SND1: variants seen among roughly 807,000 people sequenced by gnomAD.
SND1 encodes the protein staphylococcal nuclease and tudor domain containing 1, also known as staphylococcal nuclease domain-containing protein 1.
SND1 carries 38 observed loss-of-function variants against 121.7 expected under a neutral mutation model. The ratio of observed to expected loss-of-function variants is 0.31; its 90% confidence interval spans 0.24 to 0.41. The LOEUF is 0.41. SND1 is among the 10% of genes least tolerant of loss of function. The pLI is 1.00. For synonymous variants in SND1, 401 were observed against 447.4 expected (o/e 0.90, Z 1.31); for missense variants, 868 against 1,184.6 (o/e 0.73, Z 3.92).
intron 12 of SND1, among the ~76,000 whole-genome samples, chr7:127,873,437 A>C (rs777001031): frequency 2.6e-5 from 4 of 152,094 alleles, no homozygotes; most frequent in Admixed American, 6.6e-5. Context: ...TAGACACTGC[A>C]GCTGGAATGG....
chr7:127,661,973 G>A (rs906462031), intron 1 of SND1, among the ~76,000 whole-genome samples: 4 of 141,980 alleles, frequency 2.8e-5, no homozygotes, highest in South Asian at 2.3e-4. Flanking sequence ...AAAATTAGCC[G>A]GGCATGGTGG....
At chr7:127,676,782 C>A (rs939084981) in intron 1 of SND1, among the ~76,000 whole-genome samples, 9 of 152,200 alleles carry the variant, frequency 5.9e-5, no homozygotes. Context: ...ACTCTTGTTG[C>A]CCAGCCTGAA....
Position 127,980,822 on chromosome 7 carries a change from T to C in SND1, c.1670-10125T>C, listed in dbSNP as rs951304090. 6.6e-5 allele frequency among the ~76,000 whole-genome samples: 10 copies of C among 152,202 alleles called. No homozygotes were observed. The South Asian group carries it at 1.4e-3, about 22-fold the overall frequency. On this transcript the variant is annotated intron_variant, in intron 15 of 23. Coordinates refer to ENST00000354725, the MANE Select transcript of SND1 (RefSeq NM_014390.4). ...TGGAAGTGGAGACTTGCAAGATCCA[T>C]AGGGGTATTTCCTGTGGCTTTCTCT...
chr7:128,022,198 C>T (rs989804718), intron 16 of SND1, among the ~76,000 whole-genome samples: 1 of 111,012 alleles, frequency 9.0e-6, no homozygotes, highest in African/African-American at 4.0e-5. Flanking sequence ...GAGCAAGACT[C>T]TCTCTCAAAA....
rs1793785732 is a variant in SND1 at position 128,091,801 on chromosome 7, ACT to A, written c.2623-33_2623-32del. ...CCTGCTGGCTGATCATTTGAGGGCA[ACT>A]CTGACCACTCCCTTTCTTCTCTCGT... On this transcript the variant is annotated intron_variant, in intron 22 of 23. Transcript: ENST00000354725. The A allele has an allele frequency of 1.9e-6, 3 of 1,612,234 alleles. No individual in the cohort carries two copies. In the African/African-American group the frequency reaches 4.0e-5, roughly 22 times the overall value.
At chr7:127,737,084 A>G (rs1219627605) in intron 10 of SND1, among the ~76,000 whole-genome samples, 3 of 152,250 alleles carry the variant, frequency 2.0e-5, no homozygotes, top group Non-Finnish European at 4.4e-5. Context: ...ATGTAATTAA[A>G]ATATAAGAGC....
chr7:127,672,492 C>A (rs809333), intron 1 of SND1, among the ~76,000 whole-genome samples: 8,466 of 151,994 alleles, frequency 0.056, 688 homozygotes, highest in African/African-American at 0.18. Context: ...TGCCTGTAGT[C>A]CCAGCTACTA....
At chr7:127,694,670 G>A (rs1795977368) in intron 2 of SND1, 158 bp from the exon 3 acceptor site, 1 of 820,868 alleles carries the variant, frequency 1.2e-6, no homozygotes. Context: ...TGTGCGATCT[G>A]CATTGTGTGC....
intron 15 of SND1, among the ~76,000 whole-genome samples, chr7:127,980,886 T>C (rs1412728065): frequency 6.6e-6 from 1 of 151,972 alleles, no homozygotes; most frequent in African/African-American, 2.4e-5. Context: ...GGACAGTAGA[T>C]TCAAATTTTT....
At chr7:127,914,131 A>G (rs1263047287) in intron 14 of SND1, among the ~76,000 whole-genome samples, 1 of 152,154 alleles carries the variant, frequency 6.6e-6, no homozygotes, top group Admixed American at 6.5e-5. Context: ...AATGTAAGCT[A>G]TTACCCAGAT....
chr7:127,990,609 G>A (rs1164011674), intron 15 of SND1, among the ~76,000 whole-genome samples: 2 of 152,172 alleles, frequency 1.3e-5, no homozygotes, highest in African/African-American at 4.8e-5. Flanking sequence ...CTCAAGCTGC[G>A]AGACTATGGG....
intron 9 of SND1, among the ~76,000 whole-genome samples, chr7:127,717,060 A>G (rs1796403904): frequency 6.6e-6 from 1 of 152,214 alleles, no homozygotes; most frequent in East Asian, 1.9e-4. Flanking sequence ...AAATTAAATT[A>G]TTAGAGACTT....
intron 16 of SND1, among the ~76,000 whole-genome samples, chr7:128,049,929 G>C (rs548940016): frequency 2.0e-4 from 31 of 152,280 alleles, no homozygotes; most frequent in Admixed American, 2.6e-4. Flanking sequence ...GAATTGGGGA[G>C]GCTGGGGTAA....
chr7:127,674,187 G>A (rs768216297), intron 1 of SND1, among the ~76,000 whole-genome samples: 6 of 151,630 alleles, frequency 4.0e-5, no homozygotes, highest in Non-Finnish European at 8.8e-5. Context: ...TCTGCATTCC[G>A]TCCAAGAAAC....
rs764455627 is a variant in SND1, at chr7:127,702,585, A to G, written c.681+59A>G. The stretch of plus-strand genomic sequence containing the variant: ...AGAGTGTGTGGATGTTCAGTGATGG[A>G]TTCTTCTACTTGGGGACTTCGGATC... On this transcript the variant is annotated intron_variant, in intron 6 of 23. Transcript: ENST00000354725. 9 of 1,358,872 alleles carry G rather than the reference A, an allele frequency of 6.6e-6. No homozygotes were observed. In the African/African-American group the frequency reaches 8.6e-5, roughly 13 times the overall value. The allele number at this position is 1,358,872 out of a possible 1,614,324, so 84.2% of individuals were successfully genotyped here. A position where few individuals can be genotyped will look rare whatever the true frequency, so the allele number is the denominator to read the frequency against.
At chr7:128,051,129 C>T (rs1248551515) in intron 16 of SND1, among the ~76,000 whole-genome samples, 3 of 152,208 alleles carry the variant, frequency 2.0e-5, no homozygotes, top group Non-Finnish European at 4.4e-5. Context: ...CCCACAGCTT[C>T]CCAGTGCAGG....
chr7:127,802,061 G>A (rs567804325), intron 10 of SND1, among the ~76,000 whole-genome samples: 1 of 152,150 alleles, frequency 6.6e-6, no homozygotes, highest in Non-Finnish European at 1.5e-5. Context: ...TAGCCAGGAT[G>A]GTCTTGATCT....
At chr7:127,722,745 A>G (rs575610980) in intron 10 of SND1, among the ~76,000 whole-genome samples, 1 of 152,194 alleles carries the variant, frequency 6.6e-6, no homozygotes, top group Non-Finnish European at 1.5e-5. Flanking sequence ...TTTGAATCAG[A>G]TCATACATAA....
intron 1 of SND1, among the ~76,000 whole-genome samples, chr7:127,678,623 G>C (rs542261219): frequency 1.3e-5 from 2 of 152,310 alleles, no homozygotes; most frequent in Admixed American, 6.5e-5. Flanking sequence ...AAAACTGGCT[G>C]TGTTGGTGAG....
Sources: gnomAD v4.1 joint callset for allele counts (sites outside exome capture counted in the v4.1 genomes callset) on GRCh38, gnomAD v4.1.1 for gene constraint, MANE v1.5 for transcripts, NCBI Gene and HGNC (gene_info 2026-07-23, HGNC 2026-07-21) for gene names.